Variants in FBP1 observed in about 807,000 individuals in gnomAD.
The protein encoded by FBP1 is fructose-bisphosphatase 1.
In FBP1, 22 loss-of-function variants were observed where a neutral mutation model predicts 29.9. The ratio of observed to expected loss-of-function variants is 0.74; its 90% CI spans 0.53 to 1.05. The LOEUF (loss-of-function observed/expected upper bound fraction) is 1.05. Ranked by LOEUF, FBP1 falls within the 50% of genes least tolerant of loss-of-function variation. FBP1 has a pLI of 0.00. For synonymous variants in FBP1, 175 were observed against 178.6 expected (o/e 0.98, Z 0.16); for missense variants, 345 against 448.2 (o/e 0.77, Z 2.08).
chr9:94,612,549 A>ATTTTT (rs561246840), intron 3 of FBP1, among the ~76,000 whole-genome samples: 11 of 108,016 alleles, frequency 1.0e-4, no homozygotes, highest in Non-Finnish European at 1.3e-4. Context: ...CCAGCCCCCA[A>ATTTTT]TTTTTTTTTT....
At chr9:94,637,208 A>G (rs1828203747) in intron 1 of FBP1, among the ~76,000 whole-genome samples, 1 of 152,142 alleles carries the variant, frequency 6.6e-6, no homozygotes, top group Non-Finnish European at 1.5e-5. Context: ...AAATGTGATC[A>G]TACCACTCCT....
intron 4 of FBP1, among the ~76,000 whole-genome samples, chr9:94,608,999 G>T (rs1189037182): frequency 6.6e-6 from 1 of 152,058 alleles, no homozygotes; most frequent in Non-Finnish European, 1.5e-5. Context: ...TTAGGAGTTC[G>T]CGACCAGCCT....
chr9:94,605,295 C>A (rs556788660), intron 6 of FBP1, among the ~76,000 whole-genome samples, 162 bp downstream of exon 6: 5 of 152,188 alleles, frequency 3.3e-5, no homozygotes, highest in Admixed American at 2.6e-4. Flanking sequence ...TAGTTGATAT[C>A]GTCTGGCTTT....
chr9:94,621,398 A>AAAAAAAAATATAT (rs58726402), intron 1 of FBP1, among the ~76,000 whole-genome samples: 1 of 146,156 alleles, frequency 6.8e-6, no homozygotes, highest in African/African-American at 2.6e-5. Context: ...TCCGTCTAAA[A>AAAAAAAAATATAT]ATATATATAT....
In FBP1 at chr9:94,607,092, A is replaced by G. The variant is rs370683303; in HGVS notation, c.568-140T>C. On this transcript the variant is annotated intron_variant, in intron 4 of 6. Coordinates refer to ENST00000375326, the MANE Select transcript of FBP1 (RefSeq NM_000507.4). ...ACCACTCATCTTGGGGCCCCGAGAC[A>G]CCTGCCAGGCTCTCTGGGAACTGTG... 6.5e-5 allele frequency: 63 copies of G among 962,896 alleles called. No individual in the cohort carries two copies. In the African/African-American group the frequency reaches 7.5e-4, roughly 11 times the overall value. The allele number at this position is 962,896 out of a possible 1,614,324, so 59.6% of individuals were successfully genotyped here.
intron 1 of FBP1, among the ~76,000 whole-genome samples, chr9:94,630,922 A>T (rs564514078): frequency 6.6e-6 from 1 of 152,306 alleles, no homozygotes; most frequent in South Asian, 2.1e-4. Flanking sequence ...AGAGCCCCGC[A>T]GGCATCCACT....
chr9:94,619,458 A>C (rs949332590), intron 2 of FBP1, among the ~76,000 whole-genome samples: 2 of 152,066 alleles, frequency 1.3e-5, no homozygotes, highest in Non-Finnish European at 2.9e-5. Flanking sequence ...AAAAGCTGGG[A>C]ATACTCTTTC....
intron 4 of FBP1, among the ~76,000 whole-genome samples, chr9:94,608,416 C>G (rs936190422): frequency 6.6e-6 from 1 of 152,314 alleles, no homozygotes. Flanking sequence ...GGGATGCTCC[C>G]CTGCAATCTG....
chr9:94,606,928 C>T lies in FBP1; in HGVS notation c.592G>A (p.Asp198Asn), dbSNP rs1172290766. Residue 198 changes from aspartate (D) to asparagine (N), a missense_variant, in exon 5 of 7, where the codon GAC becomes AAC. Coordinates refer to ENST00000375326, the MANE Select transcript of FBP1 (RefSeq NM_000507.4). ...TTCTTTTTTATCTTCACATCCTTGT[C>T]CACCAAAATGAACTCCCCGATGGCC... ...DPAIGEFILV[D>N]KDVKIKKKGK... 1 of 1,614,130 alleles carries T rather than the reference C, an allele frequency of 6.2e-7. No homozygotes were observed. Among genetic ancestry groups the T allele is most frequent in the South Asian group, 1.1e-5 (1 of 91,074 alleles).
chr9:94,611,744 C>G (rs904090056), intron 3 of FBP1, among the ~76,000 whole-genome samples: 24 of 152,146 alleles, frequency 1.6e-4, no homozygotes, highest in Admixed American at 7.9e-4. Flanking sequence ...GAATGAGAAC[C>G]TGCCTCTTTA....
intron 2 of FBP1, among the ~76,000 whole-genome samples, chr9:94,618,755 G>A (rs1239740668): frequency 1.3e-5 from 2 of 152,146 alleles, no homozygotes; most frequent in African/African-American, 4.8e-5. Context: ...TGGTGTGCAG[G>A]AGCTGGCTGG....
chr9:94,605,328 T>A, intron 6 of FBP1, 129 bp downstream of exon 6: 1 of 912,224 alleles, frequency 1.1e-6, no homozygotes, highest in Non-Finnish European at 1.7e-6. Context: ...CAAAAGAATA[T>A]GCTACAGACA....
At chr9:94,638,629 G>C (rs549117284) in intron 1 of FBP1, among the ~76,000 whole-genome samples, 3 of 116,796 alleles carry the variant, frequency 2.6e-5, no homozygotes, top group African/African-American at 1.0e-4. Context: ...TGCTTGCGGG[G>C]GGGGCGGGGG....
chr9:94,615,395 G>T (rs1198998120), intron 3 of FBP1, among the ~76,000 whole-genome samples: 4 of 151,934 alleles, frequency 2.6e-5, no homozygotes, highest in Admixed American at 2.6e-4. Flanking sequence ...TATTTGGGGG[G>T]ACTGAGATGG....
chr9:94,609,889 C>T (rs749487668), intron 4 of FBP1, 32 bp downstream of exon 4: 2 of 1,613,170 alleles, frequency 1.2e-6, no homozygotes, highest in South Asian at 1.1e-5. Context: ...CAGACACCAG[C>T]CAAGCCCCCA....
In FBP1 at chr9:94,605,515, G is replaced by A. The variant is rs1278792339; in HGVS notation, c.767C>T (p.Thr256Ile). The A allele has an allele frequency of 1.2e-6, 2 of 1,613,930 alleles. No homozygotes were observed. The highest frequency in any genetic ancestry group is 2.2e-5 in the South Asian group (2 of 91,074). ...VGSMVADVHR[T>I]LVYGGIFLYP... ...CAGAAATATCCCTCCGTAGACCAGA[G>A]TGCGATGAACATCAGCCACCATGGA... Residue 256 changes from threonine (T) to isoleucine (I), a missense_variant, in exon 6 of 7, where the codon ACT becomes ATT. Thr to Ile is a moderately conservative substitution (Grantham distance 89). Coordinates refer to ENST00000375326, the MANE Select transcript of FBP1 (RefSeq NM_000507.4).
chr9:94,615,798 TTAGAGA>T (rs1273006702), intron 3 of FBP1, among the ~76,000 whole-genome samples: 2 of 151,852 alleles, frequency 1.3e-5, no homozygotes, highest in Non-Finnish European at 2.9e-5. Flanking sequence ...TAAGTCACTT[TTAGAGA>T]TAAAGTGCAA....
chr9:94,636,751 C>T (rs1012597322), intron 1 of FBP1, among the ~76,000 whole-genome samples: 1 of 151,870 alleles, frequency 6.6e-6, no homozygotes, highest in Non-Finnish European at 1.5e-5. Context: ...TAGAGTGGCA[C>T]GATCTGGGCT....
At chr9:94,632,621 TCACAC>T (rs28745613) in intron 1 of FBP1, among the ~76,000 whole-genome samples, 25,973 of 151,532 alleles carry the variant, frequency 0.17, 3,383 homozygotes, top group African/African-American at 0.35. Flanking sequence ...TGAACCGAGA[TCACAC>T]CACACCACAG....
Sources: gnomAD v4.1 joint callset for allele counts (sites outside exome capture counted in the v4.1 genomes callset) on GRCh38, gnomAD v4.1.1 for gene constraint, MANE v1.5 for transcripts, NCBI Gene and HGNC (gene_info 2026-07-23, HGNC 2026-07-21) for gene names.